The following PADI3 variants were observed in gnomAD, a reference collection of about 807,000 sequenced individuals.
PADI3 encodes the protein peptidyl arginine deiminase 3.
A neutral mutation model predicts 71.5 loss-of-function variants in PADI3; 53 were observed. The observed-to-expected ratio is 0.74, with a 90% CI of 0.59 to 0.93. The LOEUF (loss-of-function observed/expected upper bound fraction) is 0.93. PADI3 is among the 40% of genes least tolerant of loss of function. The pLI is 0.00. For missense variants in PADI3, 821 were observed against 868.0 expected (o/e 0.95, Z 0.68); for synonymous variants, 361 against 347.5 (o/e 1.04, Z -0.43).
chr1:17,267,934 C>T lies in PADI3; in HGVS notation c.624C>T (p.Ala208=), dbSNP rs2073193459. Residue 208 remains alanine (A), a synonymous_variant, in exon 6 of 16, where the codon GCC becomes GCT. Transcript: ENST00000375460. ...TCCTCCATACCTCCAGCTATGATGC[C>T]AAACGGGCACAGGTCTTCCACATCT... The part of the protein sequence containing the change: ...KLVLHTSSYD[A]KRAQVFHICG... 7 of 1,614,068 alleles carry T rather than the reference C, an allele frequency of 4.3e-6. No homozygotes were observed. Among genetic ancestry groups the T allele is most frequent in the Admixed American group, 3.3e-5 (2 of 60,008 alleles).
intron 1 of PADI3, among the ~76,000 whole-genome samples, chr1:17,259,272 T>C (rs147207376): frequency 0.17 from 25,942 of 152,184 alleles, 2,342 homozygotes; most frequent in South Asian, 0.23. Context: ...GGTTTCACCA[T>C]GTTGGCCAGG....
At chr1:17,252,907 A>G (rs559233703) in intron 1 of PADI3, among the ~76,000 whole-genome samples, 17 of 152,152 alleles carry the variant, frequency 1.1e-4, no homozygotes, top group Middle Eastern at 3.4e-3. Context: ...GAAGCTGGTC[A>G]CCTTTGGGAT....
At chr1:17,260,162 C>G (rs2073085824) in intron 2 of PADI3, among the ~76,000 whole-genome samples, 1 of 152,112 alleles carries the variant, frequency 6.6e-6, no homozygotes, top group African/African-American at 2.4e-5. Context: ...GGATCTCTGC[C>G]ACTTTGAATG....
chr1:17,279,412 C>T (rs1379824739), intron 13 of PADI3, among the ~76,000 whole-genome samples: 1 of 152,202 alleles, frequency 6.6e-6, no homozygotes, highest in Non-Finnish European at 1.5e-5. Flanking sequence ...ATGTCACTGG[C>T]CCAGAGGCCT....
chr1:17,269,704 G>A (rs999985475), intron 6 of PADI3, among the ~76,000 whole-genome samples: 2 of 151,896 alleles, frequency 1.3e-5, no homozygotes, highest in South Asian at 2.1e-4. Flanking sequence ...TGCAACCTCC[G>A]CCTCCTGGGT....
chr1:17,279,284 G>A (rs534334451), intron 13 of PADI3, among the ~76,000 whole-genome samples: 2 of 152,336 alleles, frequency 1.3e-5, no homozygotes, highest in South Asian at 2.1e-4. Context: ...AGACACCTCA[G>A]TGCGCCAGGC....
At chr1:17,270,790 T>C (rs1436155225) in intron 7 of PADI3, 89 bp from the exon 8 acceptor site, 1 of 946,382 alleles carries the variant, frequency 1.1e-6, no homozygotes, top group African/African-American at 1.6e-5. Context: ...CAAGGGGTTT[T>C]CTTATGGACC....
chr1:17,271,549 T>A (rs2073251455), intron 9 of PADI3, among the ~76,000 whole-genome samples: 1 of 151,980 alleles, frequency 6.6e-6, no homozygotes, highest in South Asian at 2.1e-4. Context: ...GCCCCCACAA[T>A]AACATATCAT....
rs1247695105 is a variant in PADI3 at position 17,254,717 on chromosome 1, A to ATTTT, written c.93-4847_93-4844dup. ...CGGGCTGGAGGGACCAGGCTCCAGC[A>ATTTT]TTTTTTTTTTTTTTTTTGAGATGGA... is the stretch of plus-strand genomic sequence containing the variant. On this transcript the variant is annotated intron_variant, in intron 1 of 15. Coordinates refer to ENST00000375460, the MANE Select transcript of PADI3 (RefSeq NM_016233.2). Among the ~76,000 whole-genome samples the ATTTT allele has an allele frequency of 8.3e-4, 106 of 128,458 alleles. 3 individuals carry two copies. Among genetic ancestry groups the ATTTT allele is most frequent in the Middle Eastern group, 3.9e-3 (1 of 256 alleles). 84.3% of individuals were successfully genotyped at this position (128,458 alleles called of 152,430 possible).
At chr1:17,270,021 T>A (rs749832892) in intron 6 of PADI3, among the ~76,000 whole-genome samples, 4 of 152,164 alleles carry the variant, frequency 2.6e-5, no homozygotes, top group Middle Eastern at 6.3e-3. Context: ...CAAAAAGGTA[T>A]GAGCGCCAGT....
In PADI3 at chr1:17,281,198, T is replaced by C. The variant is rs545751433; in HGVS notation, c.1761+402T>C. Among the ~76,000 whole-genome samples the C allele has an allele frequency of 3.3e-5, 5 of 152,330 alleles. 1 individual carries two copies. Among genetic ancestry groups the C allele is most frequent in the African/African-American group, 7.2e-5 (3 of 41,582 alleles). The stretch of plus-strand genomic sequence containing the variant: ...TGTCCTGTGGCAGATGCAGAGATGA[T>C]TAAGAATGCCCCCTGCTCTCAAGGG... On this transcript the variant is annotated intron_variant, in intron 15 of 15. Transcript: ENST00000375460.
intron 5 of PADI3, 38 bp downstream of exon 5, chr1:17,266,874 G>T: frequency 6.7e-7 from 1 of 1,491,686 alleles, no homozygotes; most frequent in Non-Finnish European, 9.4e-7. Flanking sequence ...GGTGTCCAGG[G>T]TCACTGCTCA....
intron 3 of PADI3, 42 bp downstream of exon 3, chr1:17,262,247 T>C: frequency 1.4e-6 from 2 of 1,470,350 alleles, no homozygotes; most frequent in Non-Finnish European, 1.9e-6. Flanking sequence ...AAGGGCACAT[T>C]TGAAAAATTC....
chr1:17,249,167 C>A lies in PADI3; in HGVS notation c.30C>A (p.Ser10=). ...CGCTGCAGAGAATCGTGCGTGTGTCCCTGGAGCATCCCACCAGCGCGGTGT... is the reference window on the plus strand; with the variant it reads ...CGCTGCAGAGAATCGTGCGTGTGTCACTGGAGCATCCCACCAGCGCGGTGT... MSLQRIVRV[S]LEHPTSAVCV... is the part of the protein sequence containing the mutation. The change falls in exon 1 of 16, where the codon TCC becomes TCA. Residue 10 remains serine (S), a synonymous_variant. Coordinates refer to ENST00000375460, the MANE Select transcript of PADI3 (RefSeq NM_016233.2). The A allele has an allele frequency of 6.2e-7, 1 of 1,614,156 alleles. No individual in the cohort carries two copies. The highest frequency in any genetic ancestry group is 8.5e-7 in the Non-Finnish European group (1 of 1,180,018).
At chr1:17,259,108 C>T (rs972381543) in intron 1 of PADI3, among the ~76,000 whole-genome samples, 1 of 152,200 alleles carries the variant, frequency 6.6e-6, no homozygotes, top group Non-Finnish European at 1.5e-5. Context: ...CTTGCTCTGT[C>T]GCCCAGGCTG....
intron 2 of PADI3, among the ~76,000 whole-genome samples, chr1:17,261,555 CT>C (rs1375432857): frequency 6.6e-6 from 1 of 152,254 alleles, no homozygotes; most frequent in Non-Finnish European, 1.5e-5. Flanking sequence ...CACCTGCCCA[CT>C]GATAACAGTA....
chr1:17,267,911 C>T lies in PADI3; in HGVS notation c.601C>T (p.Leu201Phe). The change falls in exon 6 of 16, where the codon CTC (leucine) becomes TTC (phenylalanine). Residue 201 changes from leucine (L) to phenylalanine (F), a missense_variant. Transcript: ENST00000375460. ...CCTCTTTGATGACCACAAACTTGTC[C>T]TCCATACCTCCAGCTATGATGCCAA... Reference protein sequence around the residue: ...AALFDDHKLVLHTSSYDAKRA... With the variant: ...AALFDDHKLVFHTSSYDAKRA... 4 of 1,614,214 alleles carry T rather than the reference C, an allele frequency of 2.5e-6. No homozygotes were observed. The highest frequency in any genetic ancestry group is 1.1e-5 in the South Asian group (1 of 91,086).
In PADI3 at chr1:17,259,778, G is replaced by A. The variant is rs751554741; in HGVS notation, c.273+20G>A. On this transcript the variant is annotated intron_variant, in intron 2 of 15. Coordinates refer to ENST00000375460, the MANE Select transcript of PADI3 (RefSeq NM_016233.2). ...AGCCATGTGAGCTGGTCCCTGGTGG[G>A]GTGGGGAGAGGTTTCGAGGGAGGCA... is the stretch of plus-strand genomic sequence containing the variant. 3 of 1,574,890 alleles carry A rather than the reference G, an allele frequency of 1.9e-6. No individual in the cohort carries two copies. The highest frequency in any genetic ancestry group is 2.6e-6 in the Non-Finnish European group (3 of 1,155,610).
chr1:17,250,009 C>A (rs562217421), intron 1 of PADI3, among the ~76,000 whole-genome samples: 1 of 152,344 alleles, frequency 6.6e-6, no homozygotes, highest in South Asian at 2.1e-4. Context: ...CCAGGTCATG[C>A]CTTTGAGGCC....
Sources: gnomAD v4.1 joint callset for allele counts (sites outside exome capture counted in the v4.1 genomes callset) on GRCh38, gnomAD v4.1.1 for gene constraint, MANE v1.5 for transcripts, NCBI Gene and HGNC (gene_info 2026-07-23, HGNC 2026-07-21) for gene names.